STRN: variants seen among roughly 807,000 people sequenced by gnomAD.
The protein encoded by STRN is protein phosphatase 2 regulatory subunit B'''alpha.
STRN carries 53 observed loss-of-function variants against 96.3 expected under a neutral mutation model. The ratio of observed to expected loss-of-function variants is 0.55; its 90% CI spans 0.44 to 0.69. The LOEUF (loss-of-function observed/expected upper bound fraction) is 0.69, where lower values mean the gene tolerates loss of function less well. Among genes scored for constraint, STRN ranks in the 30% least tolerant of loss-of-function variants. The pLI is 0.00. For synonymous variants in STRN, 428 were observed against 355.9 expected, an observed-to-expected ratio of 1.20 and a Z score of -2.28; for missense variants, 987 against 963.9, an observed-to-expected ratio of 1.02 and a Z score of -0.32.
chr2:36,866,589 T>A (rs899185950), intron 12 of STRN, among the ~76,000 whole-genome samples: 1 of 152,154 alleles, frequency 6.6e-6, no homozygotes, highest in African/African-American at 2.4e-5. Flanking sequence ...GTCCCGAATA[T>A]TTTAGTTTTC....
At chr2:36,958,324 C>T (rs983231132) in intron 1 of STRN, among the ~76,000 whole-genome samples, 3 of 152,144 alleles carry the variant, frequency 2.0e-5, no homozygotes, top group Non-Finnish European at 2.9e-5. Context: ...ACAGACCACA[C>T]AAAGGCACCT....
At chr2:36,951,955 G>C (rs1487552459) in intron 1 of STRN, among the ~76,000 whole-genome samples, 2 of 152,132 alleles carry the variant, frequency 1.3e-5, no homozygotes, top group African/African-American at 2.4e-5. Context: ...ATCCTACTGT[G>C]AACAGCCCAT....
In STRN at chr2:36,899,646, T is replaced by A. The variant is rs764863602; in HGVS notation, c.672A>T (p.Leu224Phe). The A allele has an allele frequency of 1.2e-6, 2 of 1,608,680 alleles. No individual in the cohort carries two copies. The highest frequency in any genetic ancestry group is 2.2e-5 in the South Asian group (2 of 90,194). Residue 224 changes from leucine to phenylalanine, a missense_variant, in exon 6 of 18, where the codon TTA (leucine) becomes TTT (phenylalanine). Physicochemically the swap from Leu to Phe is conservative, Grantham distance 22. Transcript: ENST00000263918. ...KETAMIAKSE[L>F]TDSASVLDNF... is the part of the protein sequence containing the mutation. ...TATCCAGCACGGAGGCAGAATCTGT[T>A]AACTCAGATTTTCTGGTGTAAAACA... is the stretch of plus-strand genomic sequence containing the variant.
intron 10 of STRN, among the ~76,000 whole-genome samples, chr2:36,875,233 G>C (rs1384593977): frequency 1.3e-5 from 2 of 152,112 alleles, no homozygotes; most frequent in African/African-American, 4.8e-5. Flanking sequence ...ACCCCAGCCA[G>C]GCACGATGGC....
intron 2 of STRN, among the ~76,000 whole-genome samples, chr2:36,922,474 G>C (rs1352874889): frequency 6.9e-6 from 1 of 145,674 alleles, no homozygotes; most frequent in East Asian, 2.0e-4. Flanking sequence ...AATCATGACT[G>C]TGCCACTGCA....
At chr2:36,866,546 T>C (rs1195535675) in intron 12 of STRN, among the ~76,000 whole-genome samples, 1 of 152,180 alleles carries the variant, frequency 6.6e-6, no homozygotes, top group Non-Finnish European at 1.5e-5. Flanking sequence ...TGTAGATACA[T>C]GTTAGGTCCA....
chr2:36,916,054 A>T (rs993182531), intron 3 of STRN, 24 bp downstream of exon 3: 4 of 1,592,604 alleles, frequency 2.5e-6, no homozygotes, highest in Non-Finnish European at 2.6e-6. Context: ...TTTAACACTT[A>T]AACTTCCATT....
rs545367201 is a variant in STRN, at chr2:36,850,999, C to G, written c.2086+1G>C. The G allele has an allele frequency of 1.3e-6, 2 of 1,570,852 alleles. No individual in the cohort carries two copies. The highest frequency in any genetic ancestry group is 2.3e-5 in the South Asian group (2 of 86,536). On this transcript the variant is annotated splice_donor_variant, in intron 16 of 17. Transcript: ENST00000263918. LOFTEE classifies it high-confidence loss of function. ...AAAATCAATTCTTAATAAATTCTTA[C>G]CTGTATTGTTATCATAGAATTTGAT...
intron 1 of STRN, among the ~76,000 whole-genome samples, chr2:36,931,879 A>G (rs575664920): frequency 4.3e-4 from 66 of 152,220 alleles, no homozygotes. Context: ...CCCAGGCTGG[A>G]GTGCAGTCAT....
intron 1 of STRN, among the ~76,000 whole-genome samples, chr2:36,934,889 G>A (rs554837811): frequency 1.3e-5 from 2 of 152,246 alleles, no homozygotes; most frequent in Non-Finnish European, 1.5e-5. Flanking sequence ...CCAGCCATGG[G>A]CAAGATGGTG....
chr2:36,857,187 A>C (rs2148132202), intron 14 of STRN, among the ~76,000 whole-genome samples: 2 of 150,976 alleles, frequency 1.3e-5, no homozygotes, highest in African/African-American at 2.4e-5. Context: ...TCAGCCTCCC[A>C]AAGTGCTAGG....
rs191283946 is a variant in STRN, at chr2:36,851,360, G to A, written c.1979-253C>T. On this transcript the variant is annotated intron_variant, in intron 15 of 17. Transcript: ENST00000263918. The stretch of plus-strand genomic sequence containing the variant: ...TAGCCGAGTGTGGTGGTGCGTGCCT[G>A]TAGTTCCAGCTACTCAGGAGGCTGA... Among the ~76,000 whole-genome samples the A allele has an allele frequency of 2.3e-3, 356 of 152,210 alleles. 4 individuals are homozygous for A. The highest frequency in any genetic ancestry group is 8.1e-3 in the African/African-American group (337 of 41,530).
intron 14 of STRN, among the ~76,000 whole-genome samples, chr2:36,856,313 T>G (rs1450029850): frequency 6.6e-6 from 1 of 152,198 alleles, no homozygotes; most frequent in Non-Finnish European, 1.5e-5. Flanking sequence ...CCAGCAATTC[T>G]AAGTCTCTAC....
chr2:36,870,530 A>G (rs1668736989), intron 10 of STRN, among the ~76,000 whole-genome samples: 1 of 152,170 alleles, frequency 6.6e-6, no homozygotes, highest in Non-Finnish European at 1.5e-5. Flanking sequence ...AATTATAATG[A>G]AGCTGAAAAA....
chr2:36,875,505 C>CAAAA (rs70946953), intron 10 of STRN, among the ~76,000 whole-genome samples: 5 of 50,966 alleles, frequency 9.8e-5, no homozygotes, highest in Admixed American at 6.9e-4. Flanking sequence ...GACTCTGCCT[C>CAAAA]AAAAAAAAAA....
intron 9 of STRN, among the ~76,000 whole-genome samples, chr2:36,880,460 T>A (rs1422935690): frequency 6.6e-6 from 1 of 152,180 alleles, no homozygotes; most frequent in Non-Finnish European, 1.5e-5. Context: ...TTAAAAATAG[T>A]TACTTGCTTT....
At chr2:36,946,529 A>G (rs1249991983) in intron 1 of STRN, among the ~76,000 whole-genome samples, 1 of 152,218 alleles carries the variant, frequency 6.6e-6, no homozygotes, top group East Asian at 1.9e-4. Flanking sequence ...CCCAATTATT[A>G]CCAAGGTAAG....
chr2:36,939,310 G>A lies in STRN; in HGVS notation c.235-14102C>T, dbSNP rs548211018. The stretch of plus-strand genomic sequence containing the variant: ...TTCCGAAGCCACTCAGGGATCTCCC[G>A]TTGCTTTTACAGACCAATTACCTGA... On this transcript the variant is annotated intron_variant, in intron 1 of 17. Coordinates refer to ENST00000263918, the MANE Select transcript of STRN (RefSeq NM_003162.4). Among the ~76,000 whole-genome samples, 23 of 152,054 alleles carry A rather than the reference G, an allele frequency of 1.5e-4. No homozygotes were observed. In the East Asian group the frequency reaches 2.9e-3, roughly 19 times the overall value.
chr2:36,913,338 C>CGAG (rs1670010796), intron 3 of STRN, among the ~76,000 whole-genome samples: 1 of 152,192 alleles, frequency 6.6e-6, no homozygotes, highest in African/African-American at 2.4e-5. Flanking sequence ...TCCCTCTCTC[C>CGAG]CACTACTATC....
Sources: allele counts gnomAD v4.1 joint callset (sites outside exome capture counted in the v4.1 genomes callset), GRCh38; gene constraint gnomAD v4.1.1; transcripts MANE v1.5; gene names NCBI Gene and HGNC (gene_info 2026-07-23, HGNC 2026-07-21).